ARHGAP10: variants seen among roughly 807,000 people sequenced by gnomAD.
ARHGAP10 encodes the protein Rho GTPase activating protein 10, also known as rho GTPase-activating protein 10.
ARHGAP10 carries 87 observed loss-of-function variants against 108.6 expected under a neutral mutation model. The observed-to-expected ratio is 0.80, with a 90% CI of 0.67 to 0.96. The LOEUF (loss-of-function observed/expected upper bound fraction) is 0.96. Ranked by LOEUF, ARHGAP10 falls within the 40% of genes least tolerant of loss-of-function variation. The probability of loss-of-function intolerance (pLI) is 0.00; values close to 1 mark genes in which losing one functional copy is unlikely to be tolerated. For synonymous variants in ARHGAP10, 347 were observed against 341.1 expected (o/e 1.02, Z -0.19); for missense variants, 939 against 954.5 (o/e 0.98, Z 0.21).
At chr4:147,998,767 G>A (rs901251114) in intron 18 of ARHGAP10, among the ~76,000 whole-genome samples, 3 of 152,170 alleles carry the variant, frequency 2.0e-5, no homozygotes, top group African/African-American at 4.8e-5. Flanking sequence ...ACATTAATTC[G>A]TGATACCATA....
At chr4:147,870,954 G>GTT in intron 7 of ARHGAP10, among the ~76,000 whole-genome samples, 1 of 151,426 alleles carries the variant, frequency 6.6e-6, no homozygotes, top group East Asian at 1.9e-4. Flanking sequence ...GTGTGTGTGT[G>GTT]TGTGTGTGTG....
intron 16 of ARHGAP10, among the ~76,000 whole-genome samples, chr4:147,957,265 G>A (rs1738820563): frequency 6.6e-6 from 1 of 152,166 alleles, no homozygotes; most frequent in African/African-American, 2.4e-5. Flanking sequence ...CTAAATGGGT[G>A]TATTTTAGGG....
At chr4:147,866,538 C>A in intron 6 of ARHGAP10, 174 bp from the exon 7 acceptor site, 3 of 530,288 alleles carry the variant, frequency 5.7e-6, no homozygotes, top group African/African-American at 1.9e-5. Context: ...CTATAAAGAC[C>A]AATTAATAGA....
At chr4:147,973,749 T>C (rs921858806) in intron 18 of ARHGAP10, among the ~76,000 whole-genome samples, 1 of 152,150 alleles carries the variant, frequency 6.6e-6, no homozygotes, top group Admixed American at 6.5e-5. Context: ...GTTAAATTGT[T>C]TCAGTTTTTT....
chr4:147,845,229 C>T (rs1449389309), intron 3 of ARHGAP10, among the ~76,000 whole-genome samples: 2 of 152,198 alleles, frequency 1.3e-5, no homozygotes, highest in Non-Finnish European at 2.9e-5. Context: ...CACATTTCTC[C>T]TTAGACCTCC....
intron 5 of ARHGAP10, 23 bp from the exon 6 acceptor site, chr4:147,864,823 T>C: frequency 6.2e-7 from 1 of 1,604,244 alleles, no homozygotes; most frequent in Non-Finnish European, 8.5e-7. Flanking sequence ...CCAGTTTGAC[T>C]AACCTCTGTG....
At chr4:148,010,670 T>C (rs1399136630) in intron 18 of ARHGAP10, among the ~76,000 whole-genome samples, 2 of 152,182 alleles carry the variant, frequency 1.3e-5, no homozygotes, top group East Asian at 1.9e-4. Flanking sequence ...TTTGACATGG[T>C]CACAATACTG....
chr4:147,780,205 A>T (rs1730473954), intron 1 of ARHGAP10, among the ~76,000 whole-genome samples: 2 of 152,094 alleles, frequency 1.3e-5, no homozygotes, highest in Admixed American at 1.3e-4. Flanking sequence ...CACTCGTTTC[A>T]CTTCCCCTTT....
chr4:147,784,228 GTA>G (rs1051409988), intron 1 of ARHGAP10, among the ~76,000 whole-genome samples: 74 of 100,740 alleles, frequency 7.3e-4, no homozygotes, highest in Non-Finnish European at 6.0e-4. Context: ...ATTAAATTGT[GTA>G]TTATATAATT....
intron 1 of ARHGAP10, among the ~76,000 whole-genome samples, chr4:147,794,849 A>C (rs1355142762): frequency 6.6e-6 from 1 of 152,204 alleles, no homozygotes; most frequent in African/African-American, 2.4e-5. Context: ...GTGTTCTATC[A>C]TGTAAGTATA....
At chr4:147,839,105 TATC>T (rs1733297588) in intron 3 of ARHGAP10, among the ~76,000 whole-genome samples, 1 of 131,050 alleles carries the variant, frequency 7.6e-6, no homozygotes, top group South Asian at 2.5e-4. Context: ...TCTATCTATC[TATC>T]TATCTATCTA....
intron 11 of ARHGAP10, among the ~76,000 whole-genome samples, chr4:147,908,430 G>A (rs930162139): frequency 6.6e-6 from 1 of 152,176 alleles, no homozygotes; most frequent in Non-Finnish European, 1.5e-5. Context: ...TAACCTTCAA[G>A]ACGTATATAA....
intron 1 of ARHGAP10, among the ~76,000 whole-genome samples, chr4:147,756,115 C>T (rs1222602125): frequency 1.3e-5 from 2 of 148,608 alleles, no homozygotes; most frequent in Non-Finnish European, 3.0e-5. Context: ...TTACACCCAC[C>T]CACTTACTAG....
At chr4:148,018,416 A>G (rs1484078072) in intron 18 of ARHGAP10, among the ~76,000 whole-genome samples, 2 of 152,210 alleles carry the variant, frequency 1.3e-5, no homozygotes, top group South Asian at 2.1e-4. Context: ...AAGATAAGCT[A>G]CATTTTATCT....
chr4:148,070,016 T>G (rs1730094703), intron 22 of ARHGAP10, among the ~76,000 whole-genome samples: 1 of 152,238 alleles, frequency 6.6e-6, no homozygotes, highest in African/African-American at 2.4e-5. Context: ...GCCAGATCGC[T>G]TTGAGAGCAC....
At chr4:147,891,094 A>G (rs1735779682) in intron 10 of ARHGAP10, among the ~76,000 whole-genome samples, 3 of 152,340 alleles carry the variant, frequency 2.0e-5, no homozygotes, top group South Asian at 2.1e-4. Flanking sequence ...GAAACATAAC[A>G]TTGCCCTCTG....
chr4:147,936,876 C>T (rs1260864318), intron 13 of ARHGAP10, among the ~76,000 whole-genome samples: 1 of 152,192 alleles, frequency 6.6e-6, no homozygotes, highest in African/African-American at 2.4e-5. Flanking sequence ...AGGAACCAGG[C>T]CTCACAGCAG....
chr4:147,980,121 G>T (rs1300050963), intron 18 of ARHGAP10, among the ~76,000 whole-genome samples: 1 of 152,156 alleles, frequency 6.6e-6, no homozygotes, highest in East Asian at 1.9e-4. Context: ...GGTTCTTAAG[G>T]AAAATGCTTC....
chr4:147,832,639 T>C, intron 3 of ARHGAP10, among the ~76,000 whole-genome samples: 1 of 6,426 alleles, frequency 1.6e-4, no homozygotes. Flanking sequence ...AGAGCAAGAC[T>C]CTGTCTCAAA....
Sources: allele counts gnomAD v4.1 joint callset (sites outside exome capture counted in the v4.1 genomes callset), GRCh38; gene constraint gnomAD v4.1.1; transcripts MANE v1.5; gene names NCBI Gene and HGNC (gene_info 2026-07-23, HGNC 2026-07-21).